The following CSMD2 variants were observed in gnomAD, a reference collection of about 807,000 sequenced individuals.
CSMD2 encodes CUB and sushi domain-containing protein 2.
CSMD2 carries 130 observed loss-of-function variants against 398.5 expected under a neutral mutation model. The observed-to-expected ratio is 0.33, with a 90% CI of 0.28 to 0.38. CSMD2 has a LOEUF of 0.38. Ranked by LOEUF, CSMD2 falls within the 10% of genes least tolerant of loss-of-function variation. The pLI, the probability that CSMD2 is intolerant of heterozygous loss-of-function variation, is 1.00. For missense variants in CSMD2, 3,829 were observed against 4,764.9 expected (o/e 0.80, Z 5.78); for synonymous variants, 1,828 against 1,908.5 (o/e 0.96, Z 1.10).
At chr1:33,758,029 C>T (rs1649284158) in intron 13 of CSMD2, among the ~76,000 whole-genome samples, 1 of 152,178 alleles carries the variant, frequency 6.6e-6, no homozygotes, top group Non-Finnish European at 1.5e-5. Flanking sequence ...TTCTTAAAGA[C>T]TCCCTGCTGC....
intron 6 of CSMD2, among the ~76,000 whole-genome samples, chr1:33,829,680 G>C (rs181207782): frequency 6.6e-5 from 10 of 152,198 alleles, no homozygotes; most frequent in African/African-American, 2.4e-4. Flanking sequence ...GCAGCGCACC[G>C]TGCATGAGCC....
intron 1 of CSMD2, among the ~76,000 whole-genome samples, chr1:34,126,803 A>AGAG (rs1553325073): frequency 5.3e-5 from 8 of 150,878 alleles, no homozygotes; most frequent in Non-Finnish European, 7.4e-5. Flanking sequence ...AGAGAGACAT[A>AGAG]GGGGAGAGAG....
chr1:33,656,538 C>T (rs1013026352), intron 27 of CSMD2, among the ~76,000 whole-genome samples: 11 of 152,206 alleles, frequency 7.2e-5, no homozygotes, highest in Admixed American at 7.2e-4. Context: ...TAGGCCAGTC[C>T]TCAGAGGCCT....
intron 19 of CSMD2, among the ~76,000 whole-genome samples, chr1:33,719,734 A>G (rs968252908): frequency 1.3e-5 from 2 of 152,196 alleles, no homozygotes; most frequent in African/African-American, 4.8e-5. Context: ...TTAACACCTC[A>G]GGTTCCAGGT....
rs1369385398 is a variant in CSMD2, at chr1:33,624,393, T to TA, written c.5625+125dup. 1 of 1,231,256 alleles carries TA rather than the reference T, an allele frequency of 8.1e-7. No homozygotes were observed. Among genetic ancestry groups the TA allele is most frequent in the African/African-American group, 1.5e-5 (1 of 67,062 alleles). 76.3% of individuals were successfully genotyped at this position (1,231,256 alleles called of 1,614,324 possible). A position where few individuals can be genotyped will look rare whatever the true frequency, so the allele number is the denominator to read the frequency against. ...GCCGCAGGGGCAGGTACAGGGCTGA[T>TA]ATGTCTCTTCCTGGCTCACCCTGAC... On this transcript the variant is annotated intron_variant, in intron 35 of 70. Coordinates refer to ENST00000373381, the MANE Select transcript of CSMD2 (RefSeq NM_001281956.2). The surrounding 1 kb of genome is among the most constrained non-coding windows in gnomAD (Gnocchi z 4.7).
chr1:33,864,648 T>A (rs141714388), intron 5 of CSMD2: 2 of 1,613,886 alleles, frequency 1.2e-6, no homozygotes, highest in Admixed American at 3.3e-5. Flanking sequence ...GAGAGCTAAG[T>A]ACTTCGAGGA....
rs891152570 is a variant in CSMD2 at position 33,625,140 on chromosome 1, C to G, written c.5411G>C (p.Gly1804Ala). ...GAIVRFECNS[G>A]YALQGSPEIE... ...CTCTGGCGACCCCTGCAGGGCATAG[C>G]CGGAGTTGCATTCGAAGCGGACGAT... The change falls in exon 34 of 71, where the codon GGC becomes GCC. Residue 1804 changes from glycine to alanine, a missense_variant. Physicochemically the swap from Gly to Ala is moderately conservative, Grantham distance 60 (BLOSUM62 0). Around this residue, in one of 5 missense-constraint regions of CSMD2, gnomAD observed 2,001 missense variants for 2,567.1 expected, o/e 0.78. Coordinates refer to ENST00000373381, the MANE Select transcript of CSMD2 (RefSeq NM_001281956.2). The G allele has an allele frequency of 6.2e-7, 1 of 1,613,990 alleles. No individual in the cohort carries two copies. The highest frequency in any genetic ancestry group is 8.5e-7 in the Non-Finnish European group (1 of 1,180,014).
At chr1:33,917,191 C>T (rs1291497775) in intron 5 of CSMD2, among the ~76,000 whole-genome samples, 1 of 152,232 alleles carries the variant, frequency 6.6e-6, no homozygotes, top group Non-Finnish European at 1.5e-5. Flanking sequence ...AACGCCGTGA[C>T]TCCTGCCTGA....
At chr1:33,987,594 C>A (rs149665787) in intron 3 of CSMD2, among the ~76,000 whole-genome samples, 3 of 152,320 alleles carry the variant, frequency 2.0e-5, no homozygotes, top group Non-Finnish European at 4.4e-5. Flanking sequence ...TCCATCTCTG[C>A]TGTCAATTAT....
chr1:33,592,276 A>G (rs1181396133), intron 44 of CSMD2: 1 of 684,960 alleles, frequency 1.5e-6, no homozygotes, highest in Non-Finnish European at 2.7e-6. Flanking sequence ...GTAGAAGAGC[A>G]GCAATCCATT....
chr1:34,089,227 C>G (rs772613947), intron 1 of CSMD2, 34 bp from the exon 2 acceptor site: 7 of 1,577,506 alleles, frequency 4.4e-6, no homozygotes, highest in Non-Finnish European at 6.1e-6. Context: ...TCAGAATAGC[C>G]AGAATAACTC....
At chr1:33,666,862 G>T (rs1377532247) in intron 25 of CSMD2, among the ~76,000 whole-genome samples, 1 of 152,142 alleles carries the variant, frequency 6.6e-6, no homozygotes, top group Non-Finnish European at 1.5e-5. Flanking sequence ...GTGTGGTGTG[G>T]CTGTACGTGC....
intron 29 of CSMD2, among the ~76,000 whole-genome samples, chr1:33,644,886 T>G (rs905746200): frequency 3.3e-5 from 5 of 152,064 alleles, no homozygotes; most frequent in Non-Finnish European, 5.9e-5. Flanking sequence ...TGGCAGAATA[T>G]CCATTGCCTA....
At chr1:33,759,324 CTT>C (rs756784492) in intron 13 of CSMD2, among the ~76,000 whole-genome samples, 3 of 124,774 alleles carry the variant, frequency 2.4e-5, no homozygotes, top group East Asian at 2.3e-4. Flanking sequence ...CTTTTTTTTT[CTT>C]TTTTTTTTTT....
chr1:34,031,482 C>A (rs796394885), intron 3 of CSMD2, among the ~76,000 whole-genome samples: 16 of 152,190 alleles, frequency 1.1e-4, no homozygotes, highest in African/African-American at 3.6e-4. Flanking sequence ...CAGAAGCCCT[C>A]AGCAAAAGAC....
chr1:33,833,117 T>C (rs1186243420), intron 6 of CSMD2, among the ~76,000 whole-genome samples: 6 of 122,236 alleles, frequency 4.9e-5, no homozygotes, highest in Admixed American at 1.7e-4. Context: ...TTCCAATCAA[T>C]AGAAAAAGAG....
intron 1 of CSMD2, among the ~76,000 whole-genome samples, chr1:34,112,250 C>T (rs1661169774): frequency 1.3e-5 from 2 of 152,152 alleles, no homozygotes; most frequent in African/African-American, 4.8e-5. Context: ...GGGTTCAGAA[C>T]CCAGCCCAGT....
chr1:33,837,130 C>T (rs1660375324), intron 6 of CSMD2, among the ~76,000 whole-genome samples: 1 of 152,092 alleles, frequency 6.6e-6, no homozygotes, highest in Non-Finnish European at 1.5e-5. Context: ...ACAGTCTGCT[C>T]AGGTGGGTGG....
intron 60 of CSMD2, among the ~76,000 whole-genome samples, chr1:33,540,207 C>A (rs1656196868): frequency 6.6e-6 from 1 of 152,008 alleles, no homozygotes; most frequent in African/African-American, 2.4e-5. Flanking sequence ...ATGTATATAG[C>A]ACTGGGAACC....
Sources: gnomAD v4.1 joint callset for allele counts (sites outside exome capture counted in the v4.1 genomes callset) on GRCh38, gnomAD v4.1.1 for gene constraint, gnomAD v4.1.1 regional missense constraint, Gnocchi (gnomAD v3.1) non-coding constraint, MANE v1.5 for transcripts, NCBI Gene and HGNC (gene_info 2026-07-23, HGNC 2026-07-21) for gene names.